Variants in TTC7B observed in about 807,000 individuals in gnomAD.
The protein encoded by TTC7B is tetratricopeptide repeat protein 7B.
In TTC7B, 28 loss-of-function variants were observed where a neutral mutation model predicts 106.8. The observed-to-expected ratio is 0.26, with a 90% CI of 0.19 to 0.36. TTC7B has a LOEUF of 0.36. Among genes scored for constraint, TTC7B ranks in the 10% least tolerant of loss-of-function variants. The pLI, the probability that TTC7B is intolerant of heterozygous loss-of-function variation, is 1.00. For synonymous variants in TTC7B, 405 were observed against 430.6 expected (o/e 0.94, Z 0.74); for missense variants, 862 against 1,076.4 (o/e 0.80, Z 2.79).
At chr14:90,762,736 G>A (rs773605159) in intron 3 of TTC7B, among the ~76,000 whole-genome samples, 13 of 152,282 alleles carry the variant, frequency 8.5e-5, no homozygotes, top group African/African-American at 1.9e-4. Context: ...AAGCCATCAC[G>A]CCTGAAACTG....
At chr14:90,576,434 G>A (rs558083652) in intron 19 of TTC7B, among the ~76,000 whole-genome samples, 31 of 152,332 alleles carry the variant, frequency 2.0e-4, no homozygotes, top group Non-Finnish European at 2.6e-4. Context: ...ACAAAGGGAA[G>A]TTGGAAAAAA....
chr14:90,764,478 A>C (rs184634072), intron 3 of TTC7B, among the ~76,000 whole-genome samples: 11 of 152,290 alleles, frequency 7.2e-5, no homozygotes, highest in African/African-American at 2.6e-4. Flanking sequence ...AATCAAAATG[A>C]AAAATGTTTG....
At chr14:90,573,676 G>A (rs1049972931) in intron 19 of TTC7B, among the ~76,000 whole-genome samples, 1 of 151,324 alleles carries the variant, frequency 6.6e-6, no homozygotes, top group African/African-American at 2.4e-5. Context: ...GGTCCCTCTC[G>A]GCCCACAGGC....
Position 90,748,439 on chromosome 14 carries a change from G to A in TTC7B, c.446-3517C>T, listed in dbSNP as rs187473035. ...CACCTCCTGGGTTCAAGCGATTCTCGTGCCTCAGCCTCCCAGTAGCTGGGA... is the reference window on the plus strand; with the variant it reads ...CACCTCCTGGGTTCAAGCGATTCTCATGCCTCAGCCTCCCAGTAGCTGGGA... On this transcript the variant is annotated intron_variant, in intron 3 of 19. Coordinates refer to ENST00000328459, the MANE Select transcript of TTC7B (RefSeq NM_001010854.2). Among the ~76,000 whole-genome samples, 38 of 151,874 alleles carry A rather than the reference G, an allele frequency of 2.5e-4. No homozygotes were observed. In the East Asian group the frequency reaches 3.5e-3, roughly 14 times the overall value.
Position 90,528,170 on chromosome 14 carries a change from T to G in TTC7B, c.*13198A>C, listed in dbSNP as rs1432337628. 6.6e-6 allele frequency: 1 copy of G among 152,162 alleles called. No individual in the cohort carries two copies. The highest frequency in any genetic ancestry group is 2.4e-5 in the African/African-American group (1 of 41,452). The allele number at this position is 152,162 out of a possible 1,614,324, so 9.4% of individuals were successfully genotyped here. Reference sequence around the variant, plus strand: ...AATGGGTGACAGCCCCACGCTCCCCTGCTGTGAGCCTCCAATCCCCTGGCT... The same window carrying G: ...AATGGGTGACAGCCCCACGCTCCCCGGCTGTGAGCCTCCAATCCCCTGGCT... On this transcript the variant is annotated 3_prime_UTR_variant, in exon 20 of 20. Coordinates refer to ENST00000328459, the MANE Select transcript of TTC7B (RefSeq NM_001010854.2).
intron 15 of TTC7B, among the ~76,000 whole-genome samples, chr14:90,630,499 T>A (rs11623679): frequency 6.6e-6 from 1 of 152,140 alleles, no homozygotes; most frequent in Non-Finnish European, 1.5e-5. Flanking sequence ...ATACGTAACA[T>A]AAAATTTGCT....
intron 5 of TTC7B, among the ~76,000 whole-genome samples, chr14:90,725,347 G>A (rs1191374207): frequency 6.6e-6 from 1 of 152,164 alleles, no homozygotes; most frequent in African/African-American, 2.4e-5. Context: ...GTCTGCTGCT[G>A]CTGCTGTTGT....
chr14:90,583,025 T>A (rs1891565589), intron 18 of TTC7B, among the ~76,000 whole-genome samples: 1 of 152,208 alleles, frequency 6.6e-6, no homozygotes, highest in Non-Finnish European at 1.5e-5. Flanking sequence ...AAGTATTGAT[T>A]ATGAACCTGC....
At chr14:90,798,077 C>T (rs534481586) in intron 1 of TTC7B, among the ~76,000 whole-genome samples, 28 of 152,292 alleles carry the variant, frequency 1.8e-4, no homozygotes, top group African/African-American at 6.3e-4. Context: ...AAAGGGCTTA[C>T]GCACTTTTTC....
chr14:90,758,766 G>A (rs1490176330), intron 3 of TTC7B, among the ~76,000 whole-genome samples: 3 of 152,258 alleles, frequency 2.0e-5, no homozygotes, highest in Non-Finnish European at 2.9e-5. Context: ...GGACTCGGCG[G>A]AATCTGCACC....
At chr14:90,803,702 C>A (rs998822359) in intron 1 of TTC7B, among the ~76,000 whole-genome samples, 6 of 143,884 alleles carry the variant, frequency 4.2e-5, no homozygotes, top group African/African-American at 5.2e-5. Context: ...AGCCTCCCCC[C>A]ACATCTACAC....
intron 17 of TTC7B, among the ~76,000 whole-genome samples, chr14:90,599,059 G>C (rs1389862963): frequency 6.6e-6 from 1 of 152,224 alleles, no homozygotes; most frequent in Admixed American, 6.5e-5. Flanking sequence ...GCTGAGGCAG[G>C]AGAATCGGTT....
At chr14:90,620,154 G>A (rs753126009) in intron 15 of TTC7B, among the ~76,000 whole-genome samples, 3 of 152,110 alleles carry the variant, frequency 2.0e-5, no homozygotes, top group Admixed American at 6.5e-5. Context: ...CCATGCCTGG[G>A]CTTGCAGAAG....
intron 15 of TTC7B, among the ~76,000 whole-genome samples, chr14:90,621,949 T>C (rs1011751283): frequency 6.6e-6 from 1 of 152,000 alleles, no homozygotes; most frequent in Non-Finnish European, 1.5e-5. Context: ...CAAAAAGATA[T>C]AGATTCGATG....
At chr14:90,733,355 AGCCCG>A (rs1889398115) in intron 4 of TTC7B, among the ~76,000 whole-genome samples, 1 of 152,130 alleles carries the variant, frequency 6.6e-6, no homozygotes, top group Non-Finnish European at 1.5e-5. Context: ...CTGACTCCAC[AGCCCG>A]GCTCCTTCTC....
At position 90,759,694 on chromosome 14, in the gene TTC7B, T is replaced by G. The variant is rs1278568237; in HGVS notation, c.446-14772A>C. 1.3e-5 allele frequency among the ~76,000 whole-genome samples: 2 copies of G among 152,204 alleles called. No homozygotes were observed. The highest frequency in any genetic ancestry group is 3.8e-4 in the East Asian group (2 of 5,200). On this transcript the variant is annotated intron_variant, in intron 3 of 19. Coordinates refer to ENST00000328459, the MANE Select transcript of TTC7B (RefSeq NM_001010854.2). The surrounding 1 kb of genome is among the most constrained non-coding windows in gnomAD (Gnocchi z 4.1). The stretch of plus-strand genomic sequence containing the variant: ...CATTAGACACAAGAGTATTTGTTTT[T>G]ATATCAGGCCCAAACCAAAACCTAT...
At chr14:90,676,153 C>A (rs924464556) in intron 9 of TTC7B, 1 of 169,408 alleles carries the variant, frequency 5.9e-6, no homozygotes, top group Non-Finnish European at 1.3e-5. Context: ...AGGCCACTGG[C>A]GATTTCACTG....
At chr14:90,714,456 A>ATTT (rs1566851562) in intron 5 of TTC7B, among the ~76,000 whole-genome samples, 2 of 98,746 alleles carry the variant, frequency 2.0e-5, no homozygotes, top group African/African-American at 8.9e-5. Flanking sequence ...CAGCTGTATA[A>ATTT]ATTTTTTTTT....
chr14:90,613,485 T>C (rs1218438418), intron 16 of TTC7B, among the ~76,000 whole-genome samples: 1 of 152,230 alleles, frequency 6.6e-6, no homozygotes, highest in Non-Finnish European at 1.5e-5. Context: ...TTACATGGTA[T>C]AGAGTCTTTA....
Sources: gnomAD v4.1 joint callset for allele counts (sites outside exome capture counted in the v4.1 genomes callset) on GRCh38, gnomAD v4.1.1 for gene constraint, Gnocchi (gnomAD v3.1) non-coding constraint, MANE v1.5 for transcripts, NCBI Gene and HGNC (gene_info 2026-07-23, HGNC 2026-07-21) for gene names.